The following KIAA1549L variants were observed in gnomAD, a reference collection of about 807,000 sequenced individuals.
KIAA1549L encodes UPF0606 protein KIAA1549L.
In KIAA1549L, 88 loss-of-function variants were observed where a neutral mutation model predicts 160.7. The observed-to-expected ratio is 0.55, with a 90% confidence interval of 0.46 to 0.65. The LOEUF (loss-of-function observed/expected upper bound fraction) is 0.65. Ranked by LOEUF, KIAA1549L falls within the 30% of genes least tolerant of loss-of-function variation. KIAA1549L has a pLI of 0.00. For missense variants in KIAA1549L, 2,258 were observed against 2,437.5 expected (o/e 0.93, Z 1.55); for synonymous variants, 950 against 976.7 (o/e 0.97, Z 0.51).
chr11:33,460,746 T>C (rs1216752091), intron 1 of KIAA1549L, among the ~76,000 whole-genome samples: 1 of 152,330 alleles, frequency 6.6e-6, no homozygotes, highest in South Asian at 2.1e-4. Context: ...GCTAAATAAA[T>C]ACATAAAGAA....
At chr11:33,536,344 G>A (rs1331234269) in intron 1 of KIAA1549L, among the ~76,000 whole-genome samples, 2 of 152,220 alleles carry the variant, frequency 1.3e-5, no homozygotes, top group Non-Finnish European at 2.9e-5. Context: ...GATTCAAATG[G>A]TTAGGGGAAG....
chr11:33,425,292 T>G (rs1248310425), intron 1 of KIAA1549L, among the ~76,000 whole-genome samples: 1 of 152,142 alleles, frequency 6.6e-6, no homozygotes, highest in Non-Finnish European at 1.5e-5. Context: ...ATTTTGTCAA[T>G]TAGAGGACTC....
At chr11:33,574,553 A>G in intron 9 of KIAA1549L, 149 bp from the exon 10 acceptor site, 2 of 590,012 alleles carry the variant, frequency 3.4e-6, no homozygotes, top group Non-Finnish European at 5.7e-6. Flanking sequence ...AGGCTTCTTG[A>G]GAGGCTGGAT....
rs749622535 is a variant in KIAA1549L at position 33,376,258 on chromosome 11, G to A, written c.-394G>A. ...GGCTGCAGCGGCGGCGGGAGGGAGG[G>A]ACCCGAGCGCGCCCCGCGGCCGCCA... On this transcript the variant is annotated 5_prime_UTR_variant, in exon 1 of 21. Coordinates refer to ENST00000658780, the MANE Select transcript of KIAA1549L (RefSeq NM_012194.3). This position sits in a 1 kb window ranked among gnomAD's most constrained non-coding sequence, Gnocchi z 5.8. 1.4e-4 allele frequency among the ~76,000 whole-genome samples: 21 copies of A among 148,926 alleles called. No homozygotes were observed. Among genetic ancestry groups the A allele is most frequent in the African/African-American group, 1.5e-4 (6 of 41,080 alleles).
intron 1 of KIAA1549L, among the ~76,000 whole-genome samples, chr11:33,439,939 G>A (rs907557031): frequency 6.6e-5 from 10 of 151,818 alleles, no homozygotes; most frequent in African/African-American, 2.4e-4. Flanking sequence ...ACTATATTCT[G>A]AGAGTCTTTG....
At chr11:33,609,298 C>T (rs1850585931) in intron 14 of KIAA1549L, among the ~76,000 whole-genome samples, 1 of 152,254 alleles carries the variant, frequency 6.6e-6, no homozygotes, top group East Asian at 1.9e-4. Context: ...TCAGCCTCTT[C>T]AGGAACTTGC....
chr11:33,492,251 C>T (rs138010383), intron 1 of KIAA1549L, among the ~76,000 whole-genome samples: 86 of 152,202 alleles, frequency 5.7e-4, no homozygotes, highest in African/African-American at 2.0e-3. Flanking sequence ...GTCTGTAATC[C>T]CGGCCACTGG....
intron 1 of KIAA1549L, among the ~76,000 whole-genome samples, chr11:33,415,648 A>G (rs1321161018): frequency 6.6e-6 from 1 of 152,096 alleles, no homozygotes; most frequent in East Asian, 1.9e-4. Context: ...GCGCAGGTGG[A>G]TACGGTCATT....
At chr11:33,405,680 A>G (rs1850631110) in intron 1 of KIAA1549L, among the ~76,000 whole-genome samples, 1 of 151,812 alleles carries the variant, frequency 6.6e-6, no homozygotes, top group African/African-American at 2.4e-5. Context: ...CGTCTCTACT[A>G]AAAATACAAA....
chr11:33,474,722 A>G (rs1852248619), intron 1 of KIAA1549L, among the ~76,000 whole-genome samples: 1 of 152,212 alleles, frequency 6.6e-6, no homozygotes, highest in Admixed American at 6.5e-5. Flanking sequence ...TGGCATCAGC[A>G]AAGAGTACTG....
At chr11:33,548,281 C>T (rs1355355506) in intron 4 of KIAA1549L, among the ~76,000 whole-genome samples, 1 of 152,074 alleles carries the variant, frequency 6.6e-6, no homozygotes, top group African/African-American at 2.4e-5. Context: ...TGCCTGTAAT[C>T]CCAGCTACTC....
chr11:33,402,810 AC>A (rs773915021), intron 1 of KIAA1549L, among the ~76,000 whole-genome samples: 6 of 149,504 alleles, frequency 4.0e-5, no homozygotes, highest in Admixed American at 1.3e-4. Context: ...CACTCCTGCC[AC>A]CCCCCCTAGC....
chr11:33,666,661 C>T (rs1265938692), intron 20 of KIAA1549L, among the ~76,000 whole-genome samples: 1 of 152,122 alleles, frequency 6.6e-6, no homozygotes, highest in Non-Finnish European at 1.5e-5. Flanking sequence ...GTCCTTATTC[C>T]TAGAAGTTTA....
At chr11:33,628,303 G>A (rs551706112) in intron 16 of KIAA1549L, among the ~76,000 whole-genome samples, 3,512 of 151,964 alleles carry the variant, frequency 0.023, 58 homozygotes, top group Middle Eastern at 0.041. Context: ...TATTAGGTCC[G>A]CTTGGTGCAG....
intron 16 of KIAA1549L, among the ~76,000 whole-genome samples, chr11:33,625,392 C>G (rs1440113009): frequency 6.6e-6 from 1 of 152,168 alleles, no homozygotes; most frequent in Non-Finnish European, 1.5e-5. Flanking sequence ...AAAAGTGTTC[C>G]TATTTCTCCA....
At chr11:33,583,102 A>C (rs145131828) in intron 10 of KIAA1549L, among the ~76,000 whole-genome samples, 20 of 152,262 alleles carry the variant, frequency 1.3e-4, no homozygotes, top group Admixed American at 7.8e-4. Flanking sequence ...GACCACACCA[A>C]AAACACTACA....
At chr11:33,555,818 A>G (rs1854627878) in intron 6 of KIAA1549L, among the ~76,000 whole-genome samples, 1 of 152,228 alleles carries the variant, frequency 6.6e-6, no homozygotes, top group African/African-American at 2.4e-5. Flanking sequence ...GACTTCATCA[A>G]AATTAAAAAC....
intron 1 of KIAA1549L, among the ~76,000 whole-genome samples, chr11:33,383,380 G>C (rs748706141): frequency 2.6e-5 from 4 of 152,024 alleles, no homozygotes; most frequent in Admixed American, 6.6e-5. Flanking sequence ...TATTAGAGGG[G>C]ATTTCTAAAC....
At chr11:33,641,803 G>A (rs1451986532) in intron 16 of KIAA1549L, among the ~76,000 whole-genome samples, 1 of 151,556 alleles carries the variant, frequency 6.6e-6, no homozygotes, top group Admixed American at 6.6e-5. Flanking sequence ...AAAAAGAGCC[G>A]ATATGTTTAA....
Sources: gnomAD v4.1 joint callset for allele counts (sites outside exome capture counted in the v4.1 genomes callset) on GRCh38, gnomAD v4.1.1 for gene constraint, Gnocchi (gnomAD v3.1) non-coding constraint, MANE v1.5 for transcripts, NCBI Gene and HGNC (gene_info 2026-07-23, HGNC 2026-07-21) for gene names.